The following DDX10 variants were observed in gnomAD, a reference collection of about 807,000 sequenced individuals.
The protein encoded by DDX10 is DEAD-box helicase 10, also known as probable ATP-dependent RNA helicase DDX10.
Under a neutral mutation model 104.3 loss-of-function variants are expected in DDX10, and 74 were observed. The ratio of observed to expected loss-of-function variants is 0.71; its 90% CI spans 0.59 to 0.86. The LOEUF (loss-of-function observed/expected upper bound fraction) is 0.86. DDX10 is among the 40% of genes least tolerant of loss of function. The pLI, the probability that DDX10 is intolerant of heterozygous loss-of-function variation, is 0.00. For missense variants in DDX10, 952 were observed against 1,040.0 expected (o/e 0.92, Z 1.16); for synonymous variants, 351 against 353.4 (o/e 0.99, Z 0.08).
At chr11:108,692,136 GTTTCT>G in intron 8 of DDX10, 98 bp downstream of exon 8, 1 of 1,115,184 alleles carries the variant, frequency 9.0e-7, no homozygotes, top group Non-Finnish European at 1.2e-6. Context: ...AAACACTTGG[GTTTCT>G]TTTCTTATTT....
chr11:108,892,930 C>T lies in DDX10; in HGVS notation c.2305-24943C>T, dbSNP rs1338332735. Among the ~76,000 whole-genome samples the T allele has an allele frequency of 4.6e-5, 7 of 152,304 alleles. 1 individual carries two copies. Among genetic ancestry groups the T allele is most frequent in the Admixed American group, 3.9e-4 (6 of 15,294 alleles). On this transcript the variant is annotated intron_variant, in intron 16 of 17. Transcript: ENST00000322536. ...CTCTACTAAACAACCCCTGTTCCTT[C>T]CTGCCTCTCCATCTTTCCCTTTGCC...
intron 13 of DDX10, among the ~76,000 whole-genome samples, chr11:108,804,077 T>C (rs1862063618): frequency 6.6e-6 from 1 of 152,208 alleles, no homozygotes; most frequent in African/African-American, 2.4e-5. Context: ...CGGCTCAGAA[T>C]GACCTGGTTC....
At chr11:108,754,054 A>G (rs1484295246) in intron 13 of DDX10, among the ~76,000 whole-genome samples, 3 of 152,144 alleles carry the variant, frequency 2.0e-5, no homozygotes, top group East Asian at 3.9e-4. Flanking sequence ...CTCATTCATT[A>G]AAGAATTTGT....
chr11:108,762,004 C>T (rs2094351416), intron 13 of DDX10, among the ~76,000 whole-genome samples: 2 of 152,204 alleles, frequency 1.3e-5, no homozygotes, highest in South Asian at 4.1e-4. Flanking sequence ...GTACAGTTGA[C>T]ATTTATTGTT....
At chr11:108,892,169 G>A (rs1054170668) in intron 16 of DDX10, among the ~76,000 whole-genome samples, 7 of 152,150 alleles carry the variant, frequency 4.6e-5, no homozygotes, top group Non-Finnish European at 8.8e-5. Flanking sequence ...GGTCTTGGGA[G>A]TGGATCCCTC....
intron 10 of DDX10, 36 bp from the exon 11 acceptor site, chr11:108,715,843 A>G (rs769513991): frequency 3.7e-6 from 4 of 1,090,444 alleles, no homozygotes; most frequent in East Asian, 4.8e-5. Flanking sequence ...CAAATTTGAG[A>G]TATCTTATTT....
chr11:108,806,062 A>G (rs1022852725), intron 13 of DDX10, among the ~76,000 whole-genome samples: 3 of 152,124 alleles, frequency 2.0e-5, no homozygotes, highest in South Asian at 2.1e-4. Flanking sequence ...CCTGGGTTCA[A>G]GCATTTCTCC....
intron 1 of DDX10, among the ~76,000 whole-genome samples, chr11:108,671,505 G>C (rs540227350): frequency 9.5e-4 from 145 of 152,284 alleles, no homozygotes; most frequent in Non-Finnish European, 1.6e-3. Flanking sequence ...CTCCTGCTGT[G>C]GCTGCTATGT....
chr11:108,791,204 A>G (rs1177966444), intron 13 of DDX10, among the ~76,000 whole-genome samples: 1 of 152,226 alleles, frequency 6.6e-6, no homozygotes, highest in Non-Finnish European at 1.5e-5. Context: ...GAAAAAGCCC[A>G]CCAATACCTT....
At chr11:108,763,202 G>C (rs549887362) in intron 13 of DDX10, among the ~76,000 whole-genome samples, 2 of 152,104 alleles carry the variant, frequency 1.3e-5, no homozygotes, top group Non-Finnish European at 2.9e-5. Flanking sequence ...GCAATTCCTT[G>C]GTGGCCAGAT....
intron 13 of DDX10, among the ~76,000 whole-genome samples, chr11:108,757,626 G>A (rs1193124323): frequency 6.6e-6 from 1 of 151,998 alleles, no homozygotes. Flanking sequence ...TTGTGATTAC[G>A]CTTAGATGTG....
At chr11:108,722,970 C>T (rs914109757) in intron 12 of DDX10, 27 bp from the exon 13 acceptor site, 4 of 1,568,758 alleles carry the variant, frequency 2.5e-6, no homozygotes, top group Non-Finnish European at 3.4e-6. Context: ...GTTGAGATGA[C>T]TGTTTTCACG....
intron 11 of DDX10, among the ~76,000 whole-genome samples, chr11:108,719,278 C>T (rs1316381268): frequency 2.0e-5 from 3 of 151,846 alleles, no homozygotes; most frequent in African/African-American, 7.3e-5. Context: ...TACAATAATA[C>T]AAAATATTAT....
At chr11:108,744,247 A>G (rs1046073199) in intron 13 of DDX10, among the ~76,000 whole-genome samples, 1 of 152,184 alleles carries the variant, frequency 6.6e-6, no homozygotes, top group Admixed American at 6.5e-5. Context: ...GATGGTATCC[A>G]TATATTGAGT....
chr11:108,900,893 T>C (rs1185750664), intron 16 of DDX10, among the ~76,000 whole-genome samples: 1 of 152,216 alleles, frequency 6.6e-6, no homozygotes, highest in African/African-American at 2.4e-5. Context: ...TGTATGTGCC[T>C]ACACAGTTCA....
intron 15 of DDX10, among the ~76,000 whole-genome samples, chr11:108,846,490 G>A (rs1862719795): frequency 6.6e-6 from 1 of 152,042 alleles, no homozygotes; most frequent in Admixed American, 6.5e-5. Flanking sequence ...GAGCTCTTAC[G>A]AAGTCTGCTT....
chr11:108,802,313 TGGATTTG>T (rs1329322187), intron 13 of DDX10, among the ~76,000 whole-genome samples: 7 of 152,298 alleles, frequency 4.6e-5, no homozygotes, highest in Non-Finnish European at 1.0e-4. Flanking sequence ...TGGAGACTTT[TGGATTTG>T]GGATTTGGGA....
intron 11 of DDX10, 25 bp downstream of exon 11, chr11:108,715,991 T>A: frequency 8.4e-7 from 1 of 1,190,128 alleles, no homozygotes; most frequent in East Asian, 2.3e-5. Flanking sequence ...AGTTGGATAC[T>A]TTCATTGACT....
intron 9 of DDX10, among the ~76,000 whole-genome samples, chr11:108,696,153 A>G (rs1208732388): frequency 6.6e-6 from 1 of 151,658 alleles, no homozygotes; most frequent in Non-Finnish European, 1.5e-5. Flanking sequence ...TCTTTAATGT[A>G]TTGAGTACAT....
Sources: allele counts gnomAD v4.1 joint callset (sites outside exome capture counted in the v4.1 genomes callset), GRCh38; gene constraint gnomAD v4.1.1; transcripts MANE v1.5; gene names NCBI Gene and HGNC (gene_info 2026-07-23, HGNC 2026-07-21).